The following JMY variants were observed in gnomAD, a reference collection of about 807,000 sequenced individuals.
The protein encoded by JMY is junction mediating and regulatory protein, p53 cofactor, also known as junction-mediating and -regulatory protein.
JMY carries 46 observed loss-of-function variants against 103.3 expected under a neutral mutation model. The observed-to-expected ratio is 0.45, with a 90% confidence interval of 0.35 to 0.57. The LOEUF (loss-of-function observed/expected upper bound fraction) is 0.57. JMY is among the 20% of genes least tolerant of loss of function. JMY has a pLI of 0.00. For synonymous variants in JMY, 526 were observed against 489.3 expected (o/e 1.07, Z -0.99); for missense variants, 1,238 against 1,255.2 (o/e 0.99, Z 0.21).
chr5:79,273,210 A>G (rs1193881044), intron 1 of JMY, among the ~76,000 whole-genome samples: 1 of 152,196 alleles, frequency 6.6e-6, no homozygotes, highest in Non-Finnish European at 1.5e-5. Context: ...CATTTTAAAG[A>G]ACATTTCTTA....
In JMY at chr5:79,327,142, C is replaced by G. The variant is rs1448964894; in HGVS notation, c.*5540C>G. 6.6e-6 allele frequency: 1 copy of G among 152,192 alleles called. No homozygotes were observed. The highest frequency in any genetic ancestry group is 1.5e-5 in the Non-Finnish European group (1 of 68,038). The allele number at this position is 152,192 out of a possible 1,614,324, so 9.4% of individuals were successfully genotyped here. ...TTCTCTTGTTGTACATGCAATGTAA[C>G]AACCTACAGTTTTGGTGCTTTTAAC... On this transcript the variant is annotated 3_prime_UTR_variant, in exon 11 of 11. Transcript: ENST00000396137.
In JMY at chr5:79,237,099, C is replaced by G. The variant is rs748690949; in HGVS notation, c.449C>G (p.Pro150Arg). The change falls in exon 1 of 11, where the codon CCG (proline) becomes CGG (arginine). Residue 150 changes from proline (P) to arginine (R), a missense_variant. By Grantham distance (103) the Pro-to-Arg change is moderately radical (BLOSUM62 -2). Coordinates refer to ENST00000396137, the MANE Select transcript of JMY (RefSeq NM_152405.5). ...AGCCCAGTGCGGGCCAAACCCATCC[C>G]GGGTCAGAAAACATCTGAAGCCGAC... The part of the protein sequence containing the change: ...LRSPVRAKPI[P>R]GQKTSEADDA... 23 of 1,548,270 alleles carry G rather than the reference C, an allele frequency of 1.5e-5. No homozygotes were observed. Among genetic ancestry groups the G allele is most frequent in the Middle Eastern group, 1.7e-4 (1 of 5,980 alleles).
At chr5:79,276,237 G>T (rs1469052236) in intron 1 of JMY, among the ~76,000 whole-genome samples, 2 of 152,112 alleles carry the variant, frequency 1.3e-5, no homozygotes, top group African/African-American at 4.8e-5. Context: ...TCCTGCCTCA[G>T]CCTCCCAAGG....
At chr5:79,252,038 A>G (rs1315216672) in intron 1 of JMY, among the ~76,000 whole-genome samples, 1 of 151,774 alleles carries the variant, frequency 6.6e-6, no homozygotes, top group Non-Finnish European at 1.5e-5. Flanking sequence ...GGCCTCTCAA[A>G]GTGCTGGGAT....
chr5:79,255,313 T>C (rs1745208391), intron 1 of JMY, among the ~76,000 whole-genome samples: 1 of 152,108 alleles, frequency 6.6e-6, no homozygotes, highest in South Asian at 2.1e-4. Context: ...GCCAGGCTGG[T>C]CTGGAACTCC....
At chr5:79,269,957 C>A (rs1183220872) in intron 1 of JMY, among the ~76,000 whole-genome samples, 1 of 151,916 alleles carries the variant, frequency 6.6e-6, no homozygotes, top group Non-Finnish European at 1.5e-5. Flanking sequence ...TCTTGAACTC[C>A]TGGGCTGAAG....
rs1747656974 is a variant in JMY at position 79,326,660 on chromosome 5, T to C, written c.*5058T>C. 2.6e-5 allele frequency: 4 copies of C among 152,214 alleles called. No individual in the cohort carries two copies. In the South Asian group the frequency reaches 8.3e-4, roughly 31 times the overall value. 9.4% of individuals were successfully genotyped at this position (152,214 alleles called of 1,614,324 possible). On this transcript the variant is annotated 3_prime_UTR_variant, in exon 11 of 11. Coordinates refer to ENST00000396137, the MANE Select transcript of JMY (RefSeq NM_152405.5). Reference sequence around the variant, plus strand: ...CAGATTATTTTGCATGAATAATTAATTGCCCATTAGGGCTAAGGAGACTGA... The same window carrying C: ...CAGATTATTTTGCATGAATAATTAACTGCCCATTAGGGCTAAGGAGACTGA...
chr5:79,262,733 C>T (rs1745461559), intron 1 of JMY, among the ~76,000 whole-genome samples: 1 of 152,208 alleles, frequency 6.6e-6, no homozygotes, highest in Non-Finnish European at 1.5e-5. Context: ...ATGGCTTGGG[C>T]TTCTCTGCAA....
chr5:79,310,754 ATTG>A (rs1220409196), intron 7 of JMY, among the ~76,000 whole-genome samples: 1 of 152,356 alleles, frequency 6.6e-6, no homozygotes, highest in East Asian at 1.9e-4. Flanking sequence ...ACTATTTTAA[ATTG>A]TTATTAGCTC....
intron 1 of JMY, among the ~76,000 whole-genome samples, chr5:79,247,465 C>T (rs552330652): frequency 2.0e-5 from 3 of 152,018 alleles, no homozygotes; most frequent in South Asian, 2.1e-4. Context: ...GGTGCCACCA[C>T]ACCTGGCTAA....
chr5:79,270,622 A>G (rs1229246992), intron 1 of JMY, among the ~76,000 whole-genome samples: 1 of 141,006 alleles, frequency 7.1e-6, no homozygotes, highest in East Asian at 2.0e-4. Flanking sequence ...ATGTTTATAT[A>G]AAATATATTT....
chr5:79,320,052 A>C (rs949634311), intron 10 of JMY, among the ~76,000 whole-genome samples: 3 of 152,284 alleles, frequency 2.0e-5, no homozygotes, highest in African/African-American at 7.2e-5. Context: ...AAATTTCTTA[A>C]AATGTATGTA....
At chr5:79,280,952 A>G (rs2112088299) in intron 2 of JMY, among the ~76,000 whole-genome samples, 1 of 151,996 alleles carries the variant, frequency 6.6e-6, no homozygotes, top group South Asian at 2.1e-4. Flanking sequence ...AAAAAAAAGC[A>G]AGTATAATTG....
intron 1 of JMY, among the ~76,000 whole-genome samples, chr5:79,255,847 G>T (rs1745225198): frequency 6.6e-6 from 1 of 152,190 alleles, no homozygotes; most frequent in African/African-American, 2.4e-5. Flanking sequence ...GCACTCCTGT[G>T]GCCATCACCA....
At chr5:79,297,184 G>C (rs943313985) in intron 4 of JMY, among the ~76,000 whole-genome samples, 4 of 152,162 alleles carry the variant, frequency 2.6e-5, no homozygotes, top group African/African-American at 9.7e-5. Context: ...GTTACAATTT[G>C]GTTTGGGGTA....
chr5:79,268,114 G>C (rs571541040), intron 1 of JMY, among the ~76,000 whole-genome samples: 1 of 152,242 alleles, frequency 6.6e-6, no homozygotes, highest in South Asian at 2.1e-4. Context: ...GTGGTGGTGC[G>C]CACCTGTAGT....
intron 1 of JMY, among the ~76,000 whole-genome samples, chr5:79,243,641 A>G (rs1057414639): frequency 1.3e-5 from 2 of 152,314 alleles, no homozygotes; most frequent in Middle Eastern, 3.4e-3. Flanking sequence ...AAATATTGCA[A>G]ACTGCTCTTT....
At chr5:79,261,295 C>G (rs575543831) in intron 1 of JMY, among the ~76,000 whole-genome samples, 2 of 152,220 alleles carry the variant, frequency 1.3e-5, no homozygotes, top group African/African-American at 4.8e-5. Flanking sequence ...GCAGTCACCC[C>G]CCTGCCCACC....
chr5:79,281,807 A>G (rs761071758), intron 2 of JMY, among the ~76,000 whole-genome samples: 4 of 152,174 alleles, frequency 2.6e-5, no homozygotes, highest in Non-Finnish European at 5.9e-5. Context: ...CTCTAAATGG[A>G]TTCACTTGGT....
Sources: gnomAD v4.1 joint callset for allele counts (sites outside exome capture counted in the v4.1 genomes callset) on GRCh38, gnomAD v4.1.1 for gene constraint, MANE v1.5 for transcripts, NCBI Gene and HGNC (gene_info 2026-07-23, HGNC 2026-07-21) for gene names.